EPHX4: variants seen among roughly 807,000 people sequenced by gnomAD.
The protein encoded by EPHX4 is epoxide hydrolase 4, also known as abhydrolase domain containing 7.
A neutral mutation model predicts 44.9 loss-of-function variants in EPHX4; 31 were observed. The observed-to-expected ratio is 0.69, with a 90% CI of 0.52 to 0.93. EPHX4 has a LOEUF of 0.93. Ranked by LOEUF, EPHX4 falls within the 40% of genes least tolerant of loss-of-function variation. The pLI, the probability that EPHX4 is intolerant of heterozygous loss-of-function variation, is 0.00. For synonymous variants in EPHX4, 151 were observed against 159.7 expected, an observed-to-expected ratio of 0.95 and a Z score of 0.41; for missense variants, 373 against 438.1, an observed-to-expected ratio of 0.85 and a Z score of 1.33.
chr1:92,043,158 C>T lies in EPHX4; in HGVS notation c.475+178C>T, dbSNP rs72954768. ...TCTGTACAGGAAATTTAAAATGATGCATCTAGAGCAACTATTCTGTCTACC... is the reference window on the plus strand; with the variant it reads ...TCTGTACAGGAAATTTAAAATGATGTATCTAGAGCAACTATTCTGTCTACC... On this transcript the variant is annotated intron_variant, in intron 3 of 6. Transcript: ENST00000370383. 1,475 of 503,694 alleles carry T rather than the reference C, an allele frequency of 2.9e-3. 14 individuals carry two copies. Among genetic ancestry groups the T allele is most frequent in the African/African-American group, 0.026 (1,329 of 51,218 alleles). 31.2% of individuals were successfully genotyped at this position (503,694 alleles called of 1,614,324 possible).
chr1:92,046,898 G>A (rs1448371411), intron 4 of EPHX4, among the ~76,000 whole-genome samples: 1 of 152,106 alleles, frequency 6.6e-6, no homozygotes, highest in Non-Finnish European at 1.5e-5. Context: ...GTATCATCAT[G>A]CATTGTAAGA....
chr1:92,035,545 A>G (rs1470705706), intron 2 of EPHX4, among the ~76,000 whole-genome samples: 1 of 152,096 alleles, frequency 6.6e-6, no homozygotes, highest in Non-Finnish European at 1.5e-5. Flanking sequence ...GTCAAATAAT[A>G]ATTTCCTAAC....
chr1:92,039,888 A>C (rs1309161256), intron 2 of EPHX4, among the ~76,000 whole-genome samples: 1 of 152,086 alleles, frequency 6.6e-6, no homozygotes, highest in Non-Finnish European at 1.5e-5. Context: ...TCCTAACCTC[A>C]AGCCATCCGC....
chr1:92,063,453 C>T lies in EPHX4; in HGVS notation c.*167C>T, dbSNP rs1051740827. The T allele has an allele frequency of 3.7e-6, 2 of 536,204 alleles. No homozygotes were observed. The highest frequency in any genetic ancestry group is 3.8e-5 in the African/African-American group (2 of 53,108). The allele number at this position is 536,204 out of a possible 1,614,324, so 33.2% of individuals were successfully genotyped here. A position where few individuals can be genotyped will look rare whatever the true frequency, so the allele number is the denominator to read the frequency against. Reference sequence around the variant, plus strand: ...TGAAAAAAATCTGAGATCATGTGAACATATAATACAATGTTGATTTTCTTC... The same window carrying T: ...TGAAAAAAATCTGAGATCATGTGAATATATAATACAATGTTGATTTTCTTC... On this transcript the variant is annotated 3_prime_UTR_variant, in exon 7 of 7. Transcript: ENST00000370383.
chr1:92,057,214 CA>C (rs902147685), intron 6 of EPHX4, among the ~76,000 whole-genome samples: 1 of 151,536 alleles, frequency 6.6e-6, no homozygotes, highest in Non-Finnish European at 1.5e-5. Context: ...CAATAAAAAA[CA>C]AAGACACAAT....
At chr1:92,055,348 G>C (rs1453146950) in intron 6 of EPHX4, among the ~76,000 whole-genome samples, 1 of 152,142 alleles carries the variant, frequency 6.6e-6, no homozygotes, top group African/African-American at 2.4e-5. Flanking sequence ...GAGATGGAAA[G>C]TTACAGCAGG....
chr1:92,057,377 A>AACAGAC (rs911249990), intron 6 of EPHX4, among the ~76,000 whole-genome samples: 12 of 152,182 alleles, frequency 7.9e-5, no homozygotes, highest in Non-Finnish European at 1.5e-5. Flanking sequence ...ATACAAATGT[A>AACAGAC]ACAGACATTA....
intron 6 of EPHX4, among the ~76,000 whole-genome samples, chr1:92,057,101 G>A (rs1647385649): frequency 6.6e-6 from 1 of 152,038 alleles, no homozygotes; most frequent in Non-Finnish European, 1.5e-5. Flanking sequence ...TTGAAAATCA[G>A]TGAGATAAGA....
intron 2 of EPHX4, among the ~76,000 whole-genome samples, chr1:92,034,870 C>G (rs1318967846): frequency 6.6e-6 from 1 of 152,134 alleles, no homozygotes; most frequent in East Asian, 1.9e-4. Flanking sequence ...TCTCAAACTC[C>G]TGACCTCAAG....
Position 92,030,235 on chromosome 1 carries a change from G to A in EPHX4, c.156G>A (p.Arg52=), listed in dbSNP as rs1688337664. Residue 52 remains arginine (R), a synonymous_variant, in exon 1 of 7, where the codon CGG becomes CGA. Transcript: ENST00000370383. Reference sequence around the variant, plus strand: ...GCAAGGGGCCGGCGCAGACCTTCCGGCGGCCCGCCCGGGAGCACCCTCCCG... The same window carrying A: ...GCAAGGGGCCGGCGCAGACCTTCCGACGGCCCGCCCGGGAGCACCCTCCCG... ...SLGKGPAQTF[R]RPAREHPPAC... The A allele has an allele frequency of 1.9e-6, 3 of 1,604,018 alleles. No homozygotes were observed. In the South Asian group the frequency reaches 3.4e-5, roughly 18 times the overall value.
At position 92,042,825 on chromosome 1, in the gene EPHX4, A is replaced by G; in HGVS notation, c.320A>G (p.Tyr107Cys). ...AAATGCTTCCTTTTTTCCTGCAGGT[A>G]TTCTTGGCGTTACCAACTGAGAGAA... ...LLLHGFPEFW[Y>C]SWRYQLREFK... Residue 107 changes from tyrosine to cysteine, a missense_variant and splice_region_variant, in exon 3 of 7, where the codon TAT becomes TGT. Physicochemically the swap from Tyr to Cys is radical, Grantham distance 194. Transcript: ENST00000370383. The G allele has an allele frequency of 1.2e-6, 2 of 1,607,650 alleles. No homozygotes were observed. The highest frequency in any genetic ancestry group is 4.5e-5 in the East Asian group (2 of 44,756).
rs1239124806 is a variant in EPHX4 at position 92,063,284 on chromosome 1, T to G, written c.1087T>G (p.Ter363GlyextTer18). ...AAAAGAAGAAACAAGAAAAAAAGAT[T>G]GACTTTTCTTTATCTTCTATGAAGG... ...FLKEETRKKD[*>G] is the part of the protein sequence containing the mutation. Residue 363 changes from the stop codon to glycine, a stop_lost, in exon 7 of 7, where the codon TGA (stop) becomes GGA (glycine). Transcript: ENST00000370383. 1 of 1,581,050 alleles carries G rather than the reference T, an allele frequency of 6.3e-7. No homozygotes were observed. The highest frequency in any genetic ancestry group is 2.3e-5 in the East Asian group (1 of 44,352).
chr1:92,054,310 ATATCAACC>A (rs1387369132), intron 6 of EPHX4, among the ~76,000 whole-genome samples: 1 of 152,162 alleles, frequency 6.6e-6, no homozygotes, highest in Non-Finnish European at 1.5e-5. Flanking sequence ...AAATTTAAAA[ATATCAACC>A]TGGGCCATGC....
intron 6 of EPHX4, 27 bp from the exon 7 acceptor site, chr1:92,063,028 T>A: frequency 6.3e-7 from 1 of 1,583,116 alleles, no homozygotes; most frequent in Admixed American, 1.7e-5. Context: ...ACAGTGAATC[T>A]CAAGCCCATG....
intron 5 of EPHX4, among the ~76,000 whole-genome samples, chr1:92,050,704 G>A (rs958339456): frequency 6.6e-6 from 1 of 151,638 alleles, no homozygotes; most frequent in Admixed American, 6.6e-5. Context: ...AGGTTTAATA[G>A]CAGCAGAAGT....
Position 92,063,212 on chromosome 1 carries a change from C to T in EPHX4, c.1015C>T (p.Gln339Ter). The change falls in exon 7 of 7, where the codon CAG becomes TAG. Residue 339 changes from glutamine (Q) to a stop codon, truncating the protein, a stop_gained. Transcript: ENST00000370383. LOFTEE classifies it high-confidence loss of function. The stretch of plus-strand genomic sequence containing the variant: ...TTTGTCAGAAGCCAGTCATTGGCTT[C>T]AGCAAGACCAACCTGACATAGTGAA... ...TILSEASHWL[Q>*]QDQPDIVNKL... 1.9e-6 allele frequency: 3 copies of T among 1,614,014 alleles called. No individual in the cohort carries two copies. The highest frequency in any genetic ancestry group is 2.5e-6 in the Non-Finnish European group (3 of 1,179,962).
At chr1:92,040,851 G>T (rs1219347119) in intron 2 of EPHX4, among the ~76,000 whole-genome samples, 3 of 151,944 alleles carry the variant, frequency 2.0e-5, no homozygotes, top group Non-Finnish European at 4.4e-5. Flanking sequence ...CTTTACACTG[G>T]TTTATAATCT....
chr1:92,043,996 A>C (rs1688549408), intron 3 of EPHX4, among the ~76,000 whole-genome samples: 1 of 152,242 alleles, frequency 6.6e-6, no homozygotes. Flanking sequence ...TCAAAGGGGC[A>C]GCAAGTAGAC....
chr1:92,061,436 A>G (rs1647492067), intron 6 of EPHX4, among the ~76,000 whole-genome samples: 1 of 152,148 alleles, frequency 6.6e-6, no homozygotes, highest in African/African-American at 2.4e-5. Flanking sequence ...TTCTTAATCA[A>G]TAGGAGTATA....
Sources: allele counts gnomAD v4.1 joint callset (sites outside exome capture counted in the v4.1 genomes callset), GRCh38; gene constraint gnomAD v4.1.1; transcripts MANE v1.5; gene names NCBI Gene and HGNC (gene_info 2026-07-23, HGNC 2026-07-21).